The following PRKAG2 variants were observed in gnomAD, a reference collection of about 807,000 sequenced individuals.
PRKAG2 encodes protein kinase AMP-activated non-catalytic subunit gamma 2, also known as 5'-AMP-activated protein kinase subunit gamma-2.
PRKAG2 carries 26 observed loss-of-function variants against 69.6 expected under a neutral mutation model. The observed-to-expected ratio is 0.37, with a 90% CI of 0.27 to 0.52. The LOEUF is 0.52. Among genes scored for constraint, PRKAG2 ranks in the 20% least tolerant of loss-of-function variants. PRKAG2 has a pLI of 0.90. For synonymous variants in PRKAG2, 293 were observed against 285.0 expected (o/e 1.03, Z -0.28); for missense variants, 557 against 740.0 (o/e 0.75, Z 2.87).
At chr7:151,695,183 C>T (rs375650325) in intron 3 of PRKAG2, among the ~76,000 whole-genome samples, 3 of 152,162 alleles carry the variant, frequency 2.0e-5, no homozygotes, top group Non-Finnish European at 4.4e-5. Flanking sequence ...GCCTGCAGCC[C>T]GGCAGAGTCT....
intron 4 of PRKAG2, among the ~76,000 whole-genome samples, chr7:151,640,383 G>C (rs1375332964): frequency 6.6e-6 from 1 of 152,034 alleles, no homozygotes; most frequent in African/African-American, 2.4e-5. Context: ...CAATCTTTAG[G>C]ATTTTCTTGG....
chr7:151,731,473 G>A (rs183330725), intron 3 of PRKAG2, among the ~76,000 whole-genome samples: 2 of 152,328 alleles, frequency 1.3e-5, no homozygotes, highest in Admixed American at 1.3e-4. Context: ...AATGGACCTG[G>A]TGATTCCGGG....
chr7:151,660,343 G>A (rs189855561), intron 4 of PRKAG2, among the ~76,000 whole-genome samples: 1 of 152,236 alleles, frequency 6.6e-6, no homozygotes, highest in East Asian at 1.9e-4. Flanking sequence ...ACTCAGAAAC[G>A]TTTATGGTCT....
chr7:151,845,581 C>A (rs1185257498), intron 1 of PRKAG2, among the ~76,000 whole-genome samples: 2 of 152,150 alleles, frequency 1.3e-5, no homozygotes, highest in African/African-American at 4.8e-5. Context: ...TGGGCCCTGG[C>A]AGCATCAGGA....
chr7:151,618,818 T>A (rs1411682851), intron 5 of PRKAG2, among the ~76,000 whole-genome samples: 1 of 152,296 alleles, frequency 6.6e-6, no homozygotes, highest in African/African-American at 2.4e-5. Flanking sequence ...CCTAGAAACA[T>A]GAACAGAAAC....
At chr7:151,834,416 A>AGG (rs2079101292) in intron 1 of PRKAG2, among the ~76,000 whole-genome samples, 1 of 152,230 alleles carries the variant, frequency 6.6e-6, no homozygotes, top group African/African-American at 2.4e-5. Flanking sequence ...CATTGTTTTC[A>AGG]GGGGAGGTGC....
chr7:151,585,389 C>T (rs1432949355), intron 6 of PRKAG2, among the ~76,000 whole-genome samples: 1 of 152,074 alleles, frequency 6.6e-6, no homozygotes, highest in African/African-American at 2.4e-5. Flanking sequence ...GAGCAAGAGA[C>T]TATGTCTTTA....
At chr7:151,740,953 T>G (rs1279066203) in intron 3 of PRKAG2, among the ~76,000 whole-genome samples, 1 of 152,244 alleles carries the variant, frequency 6.6e-6, no homozygotes, top group Non-Finnish European at 1.5e-5. Flanking sequence ...AACTTAACTG[T>G]GATTAAATTC....
chr7:151,785,503 A>G (rs752066121), intron 2 of PRKAG2, among the ~76,000 whole-genome samples: 5 of 152,206 alleles, frequency 3.3e-5, no homozygotes, highest in Non-Finnish European at 5.9e-5. Flanking sequence ...GGGCACTGGC[A>G]CCAGTGGAGC....
intron 1 of PRKAG2, among the ~76,000 whole-genome samples, chr7:151,796,945 G>A (rs1030381057): frequency 6.6e-6 from 1 of 152,116 alleles, no homozygotes; most frequent in Non-Finnish European, 1.5e-5. Flanking sequence ...CTGGGGTTCT[G>A]GGGAGGTTTT....
intron 3 of PRKAG2, among the ~76,000 whole-genome samples, chr7:151,684,706 C>T (rs1834445450): frequency 6.6e-6 from 1 of 152,122 alleles, no homozygotes; most frequent in African/African-American, 2.4e-5. Flanking sequence ...CCCTGGCTGA[C>T]TCCACCCTGC....
chr7:151,661,823 T>C (rs751677217), intron 4 of PRKAG2, among the ~76,000 whole-genome samples: 2 of 152,226 alleles, frequency 1.3e-5, no homozygotes, highest in Admixed American at 1.3e-4. Flanking sequence ...ACCATTTCAA[T>C]GGCTACTTTC....
chr7:151,569,496 C>T (rs1025670735), intron 10 of PRKAG2, among the ~76,000 whole-genome samples: 7 of 152,218 alleles, frequency 4.6e-5, no homozygotes, highest in South Asian at 2.1e-4. Context: ...GGCTCTACCC[C>T]GGGCCGGCCC....
intron 3 of PRKAG2, among the ~76,000 whole-genome samples, chr7:151,770,799 G>A (rs889750481): frequency 6.6e-6 from 1 of 152,290 alleles, no homozygotes; most frequent in African/African-American, 2.4e-5. Flanking sequence ...GGAGCTGTAG[G>A]GGGGTGAGAT....
chr7:151,795,870 T>G (rs940863810), intron 1 of PRKAG2, among the ~76,000 whole-genome samples: 1 of 111,052 alleles, frequency 9.0e-6, no homozygotes, highest in Non-Finnish European at 1.8e-5. Flanking sequence ...TATATATATA[T>G]ATATATATAT....
At chr7:151,557,408 G>A (rs543357683) in intron 15 of PRKAG2, 176 bp from the exon 16 acceptor site, 302 of 985,126 alleles carry the variant, frequency 3.1e-4, no homozygotes, top group Non-Finnish European at 3.5e-4. Flanking sequence ...CCAATCGTTC[G>A]GGCAGCTTGG....
At chr7:151,615,942 C>T (rs1397020916) in intron 5 of PRKAG2, among the ~76,000 whole-genome samples, 2 of 152,204 alleles carry the variant, frequency 1.3e-5, no homozygotes, top group Non-Finnish European at 2.9e-5. Context: ...CTACCATTTG[C>T]ACACCGGCAG....
At chr7:151,869,640 G>T (rs1363913492) in intron 1 of PRKAG2, among the ~76,000 whole-genome samples, 1 of 152,242 alleles carries the variant, frequency 6.6e-6, no homozygotes, top group African/African-American at 2.4e-5. Flanking sequence ...GAGTCTTTGA[G>T]GAAGTGATCA....
intron 1 of PRKAG2, among the ~76,000 whole-genome samples, chr7:151,852,568 C>T (rs548420308): frequency 3.3e-5 from 5 of 152,178 alleles, no homozygotes; most frequent in Non-Finnish European, 7.4e-5. Context: ...GTGTAGACCA[C>T]AGACCTGTAG....
Sources: gnomAD v4.1 joint callset for allele counts (sites outside exome capture counted in the v4.1 genomes callset) on GRCh38, gnomAD v4.1.1 for gene constraint, MANE v1.5 for transcripts, NCBI Gene and HGNC (gene_info 2026-07-23, HGNC 2026-07-21) for gene names.